The following PLSCR4 variants were observed in gnomAD, a reference collection of about 807,000 sequenced individuals.
PLSCR4 encodes Ca(2+)-dependent phospholipid scramblase 4.
Under a neutral mutation model 36.3 loss-of-function variants are expected in PLSCR4, and 25 were observed. The ratio of observed to expected loss-of-function variants is 0.69; its 90% confidence interval spans 0.50 to 0.96. The LOEUF is 0.96. Ranked by LOEUF, PLSCR4 falls within the 40% of genes least tolerant of loss-of-function variation. The pLI, the probability that PLSCR4 is intolerant of heterozygous loss-of-function variation, is 0.00. For synonymous variants in PLSCR4, 122 were observed against 132.9 expected, an observed-to-expected ratio of 0.92 and a Z score of 0.56; for missense variants, 408 against 414.7, an observed-to-expected ratio of 0.98 and a Z score of 0.14.
chr3:146,206,821 T>G (rs2034359214), intron 3 of PLSCR4, 60 bp from the exon 4 acceptor site: 2 of 1,031,412 alleles, frequency 1.9e-6, no homozygotes, highest in Non-Finnish European at 2.9e-6. Flanking sequence ...GCATAACTTT[T>G]TACATGCGAT....
intron 1 of PLSCR4, among the ~76,000 whole-genome samples, chr3:146,236,923 C>T (rs1464811988): frequency 6.6e-6 from 1 of 151,862 alleles, no homozygotes. Flanking sequence ...GAATGTAAGA[C>T]ATATAGAAAA....
chr3:146,239,405 G>A (rs549281982), intron 1 of PLSCR4, among the ~76,000 whole-genome samples: 1 of 151,114 alleles, frequency 6.6e-6, no homozygotes, highest in South Asian at 2.1e-4. Context: ...ACAGAAATGA[G>A]AATCCAGAAA....
At position 146,192,862 on chromosome 3, in the gene PLSCR4, G is replaced by A. The variant is rs1255533851; in HGVS notation, c.*1549C>T. 2 of 151,418 alleles carry A rather than the reference G, an allele frequency of 1.3e-5. No individual in the cohort carries two copies. The highest frequency in any genetic ancestry group is 2.1e-4 in the South Asian group (1 of 4,802). 9.4% of individuals were successfully genotyped at this position (151,418 alleles called of 1,614,324 possible). On this transcript the variant is annotated 3_prime_UTR_variant, in exon 9 of 9. Transcript: ENST00000354952. ...AGCAGCATGTAAAAATGAGCATTAC[G>A]AGAAACTCAGAAAAACAAATTTACC...
chr3:146,246,760 C>T (rs967285280), intron 1 of PLSCR4, among the ~76,000 whole-genome samples: 2 of 152,108 alleles, frequency 1.3e-5, no homozygotes, highest in African/African-American at 4.8e-5. Flanking sequence ...ATGTTGCATA[C>T]AGTTAAGTCA....
chr3:146,219,041 TCA>T (rs1185760072), intron 3 of PLSCR4, among the ~76,000 whole-genome samples: 1 of 152,204 alleles, frequency 6.6e-6, no homozygotes, highest in Non-Finnish European at 1.5e-5. Context: ...TTAATTTGAG[TCA>T]CAGAGACAAT....
chr3:146,233,231 A>G (rs929272109), intron 1 of PLSCR4, among the ~76,000 whole-genome samples: 5 of 152,102 alleles, frequency 3.3e-5, no homozygotes, highest in Admixed American at 2.0e-4. Flanking sequence ...GCCACATACT[A>G]TATTGGGAAC....
At chr3:146,222,717 G>A (rs972600454) in intron 1 of PLSCR4, among the ~76,000 whole-genome samples, 1 of 152,168 alleles carries the variant, frequency 6.6e-6, no homozygotes, top group Non-Finnish European at 1.5e-5. Context: ...AAGGGGTTTG[G>A]CATTTTTGGT....
At chr3:146,214,143 A>G in intron 3 of PLSCR4, among the ~76,000 whole-genome samples, 1 of 6,512 alleles carries the variant, frequency 1.5e-4, no homozygotes, top group Non-Finnish European at 3.7e-4. Flanking sequence ...TTTTTTTGAG[A>G]CGGAGTCTCG....
chr3:146,194,474 T>A lies in PLSCR4; in HGVS notation c.946-19A>T, dbSNP rs372176546. The A allele has an allele frequency of 2.7e-6, 4 of 1,490,124 alleles. No homozygotes were observed. The African/African-American group carries it at 5.5e-5, about 21-fold the overall frequency. 92.3% of individuals were successfully genotyped at this position (1,490,124 alleles called of 1,614,324 possible). A position where few individuals can be genotyped will look rare whatever the true frequency, so the allele number is the denominator to read the frequency against. ...TGAAGTCCTGAAATTGGAAAAAGAA[T>A]TATATGTAGATATATAGATAATTAG... On this transcript the variant is annotated intron_variant, in intron 8 of 8. Transcript: ENST00000354952.
chr3:146,208,215 T>C (rs1011713498), intron 3 of PLSCR4, among the ~76,000 whole-genome samples: 1 of 152,072 alleles, frequency 6.6e-6, no homozygotes, highest in Non-Finnish European at 1.5e-5. Flanking sequence ...ACTGGGATAA[T>C]TGGCTAGCCA....
chr3:146,239,302 A>AC (rs2036046820), intron 1 of PLSCR4, among the ~76,000 whole-genome samples: 1 of 152,160 alleles, frequency 6.6e-6, no homozygotes, highest in African/African-American at 2.4e-5. Flanking sequence ...AAAATGGAAA[A>AC]CTCAGACTTC....
chr3:146,223,894 T>C (rs2035303101), intron 1 of PLSCR4: 1 of 147,488 alleles, frequency 6.8e-6, no homozygotes, highest in Non-Finnish European at 1.5e-5. Context: ...TTTACATTTA[T>C]ATTTTAAATA....
In PLSCR4 at chr3:146,233,109, A is replaced by G. The variant is rs549733242; in HGVS notation, c.-21-11017T>C. On this transcript the variant is annotated intron_variant, in intron 1 of 8. Transcript: ENST00000354952. ...TTTAAAAGCTTTTTTATCATTAGTGAATTTACATGGGAGATAGTTCCTTTG... is the reference window on the plus strand; with the variant it reads ...TTTAAAAGCTTTTTTATCATTAGTGGATTTACATGGGAGATAGTTCCTTTG... 2.0e-5 allele frequency among the ~76,000 whole-genome samples: 3 copies of G among 152,188 alleles called. No individual in the cohort carries two copies. In the South Asian group the frequency reaches 6.2e-4, roughly 32 times the overall value.
At chr3:146,216,828 C>T (rs1023574560) in intron 3 of PLSCR4, among the ~76,000 whole-genome samples, 1 of 152,104 alleles carries the variant, frequency 6.6e-6, no homozygotes, top group African/African-American at 2.4e-5. Context: ...TAAGTTCTAC[C>T]CTTTCACCTC....
In PLSCR4 at chr3:146,207,323, C is replaced by T. The variant is rs371343456; in HGVS notation, c.119-562G>A. On this transcript the variant is annotated intron_variant, in intron 3 of 8. Coordinates refer to ENST00000354952, the MANE Select transcript of PLSCR4 (RefSeq NM_020353.3). ...TTCTCAGACTGGTCCCCAATCCTGA[C>T]CTCTTTTAGATTCAATTTCTTAAAG... Among the ~76,000 whole-genome samples the T allele has an allele frequency of 3.7e-4, 57 of 152,200 alleles. 5 individuals carry two copies. In the South Asian group the frequency reaches 8.9e-3, roughly 24 times the overall value.
At chr3:146,235,204 C>G (rs2035865137) in intron 1 of PLSCR4, among the ~76,000 whole-genome samples, 2 of 152,162 alleles carry the variant, frequency 1.3e-5, no homozygotes, top group South Asian at 4.1e-4. Context: ...GTTGAAATGT[C>G]ATCCTCAATG....
At chr3:146,194,551 T>C in intron 8 of PLSCR4, 96 bp from the exon 9 acceptor site, 1 of 752,060 alleles carries the variant, frequency 1.3e-6, no homozygotes, top group Non-Finnish European at 2.3e-6. Context: ...ATTCCCCCAT[T>C]CCAGTTAAAA....
At position 146,215,916 on chromosome 3, in the gene PLSCR4, G is replaced by A. The variant is rs181571973; in HGVS notation, c.118+4899C>T. Reference sequence around the variant, plus strand: ...ATGCCACATAGCTTTGTAGGGAAGGGATTGACATCTCCTGAAAAATGCAGA... The same window carrying A: ...ATGCCACATAGCTTTGTAGGGAAGGAATTGACATCTCCTGAAAAATGCAGA... On this transcript the variant is annotated intron_variant, in intron 3 of 8. Coordinates refer to ENST00000354952, the MANE Select transcript of PLSCR4 (RefSeq NM_020353.3). Among the ~76,000 whole-genome samples the A allele has an allele frequency of 5.7e-3, 874 of 152,264 alleles. 9 individuals carry two copies. Among genetic ancestry groups the A allele is most frequent in the African/African-American group, 0.02 (838 of 41,536 alleles).
At chr3:146,240,057 A>G (rs1475326230) in intron 1 of PLSCR4, among the ~76,000 whole-genome samples, 1 of 152,206 alleles carries the variant, frequency 6.6e-6, no homozygotes, top group Non-Finnish European at 1.5e-5. Context: ...TAAAAATTTA[A>G]AAGGTTTGTA....
Sources: allele counts gnomAD v4.1 joint callset (sites outside exome capture counted in the v4.1 genomes callset), GRCh38; gene constraint gnomAD v4.1.1; transcripts MANE v1.5; gene names NCBI Gene and HGNC (gene_info 2026-07-23, HGNC 2026-07-21).